Variants in LAMB3 observed in about 807,000 individuals in gnomAD.
The protein encoded by LAMB3 is laminin subunit beta 3, also known as laminin subunit beta-3.
Under a neutral mutation model 140.3 loss-of-function variants are expected in LAMB3, and 104 were observed. That is an observed-to-expected ratio of 0.74 (90% CI 0.63 to 0.87). The LOEUF (loss-of-function observed/expected upper bound fraction) is 0.87, where lower values mean the gene tolerates loss of function less well. Ranked by LOEUF, LAMB3 falls within the 40% of genes least tolerant of loss-of-function variation. The pLI is 0.00. For missense variants in LAMB3, 1,531 were observed against 1,575.2 expected (o/e 0.97, Z 0.47); for synonymous variants, 592 against 602.9 (o/e 0.98, Z 0.26).
At chr1:209,640,094 C>T (rs923750237) in intron 3 of LAMB3, among the ~76,000 whole-genome samples, 1 of 152,194 alleles carries the variant, frequency 6.6e-6, no homozygotes, top group Admixed American at 6.5e-5. Flanking sequence ...CCTCTGCTTC[C>T]CACTCCACTT....
chr1:209,623,810 C>A lies in LAMB3; in HGVS notation c.2137+30G>T, dbSNP rs367687683. On this transcript the variant is annotated intron_variant, in intron 15 of 22. Coordinates refer to ENST00000356082, the MANE Select transcript of LAMB3 (RefSeq NM_000228.3). The surrounding 1 kb of genome is among the most constrained non-coding windows in gnomAD (Gnocchi z 4.2). ...ATGCCCACCACGGCAGTGCCCATGC[C>A]CGGGGTTATCCGGGTGCCCCTCTCC... is the stretch of plus-strand genomic sequence containing the variant. 2.7e-5 allele frequency: 44 copies of A among 1,614,016 alleles called. No homozygotes were observed. The highest frequency in any genetic ancestry group is 3.4e-5 in the Non-Finnish European group (40 of 1,180,016).
chr1:209,622,130 C>G (rs1179618676), intron 18 of LAMB3, among the ~76,000 whole-genome samples: 2 of 152,170 alleles, frequency 1.3e-5, no homozygotes, highest in African/African-American at 4.8e-5. Context: ...CTGACATGTT[C>G]AAGGACAGCC....
At position 209,633,089 on chromosome 1, in the gene LAMB3, A is replaced by T. The variant is rs1322037366; in HGVS notation, c.609T>A (p.Thr203=). ...LMDLVSGIPA[T]QSQKIQEVGE... is the part of the protein sequence containing the mutation. ...ACTGACCTTGAATTTTTTGACTTTG[A>T]GTTGCTGGAATCCCAGACACTAAAT... The change falls in exon 7 of 23, where the codon ACT becomes ACA. Residue 203 remains threonine (T), a synonymous_variant. Transcript: ENST00000356082. The T allele has an allele frequency of 3.7e-6, 6 of 1,612,230 alleles. No homozygotes were observed. Among genetic ancestry groups the T allele is most frequent in the Non-Finnish European group, 5.1e-6 (6 of 1,178,266 alleles).
chr1:209,621,542 C>T (rs534541690), intron 18 of LAMB3, among the ~76,000 whole-genome samples: 7 of 152,354 alleles, frequency 4.6e-5, no homozygotes, highest in Non-Finnish European at 8.8e-5. Flanking sequence ...AGCAAATAAC[C>T]TGGCAGGAAC....
intron 2 of LAMB3, 48 bp from the exon 3 acceptor site, chr1:209,650,166 C>T (rs1262839815): frequency 4.5e-6 from 7 of 1,566,592 alleles, no homozygotes; most frequent in Non-Finnish European, 5.2e-6. Flanking sequence ...AAAAAGGGAC[C>T]TCACTGGCCA....
Position 209,623,336 on chromosome 1 carries a change from TCCTTGGCAAC to T in LAMB3, c.2358+159_2359-158del, listed in dbSNP as rs1374561563. The T allele has an allele frequency of 9.7e-7, 1 of 1,027,818 alleles. No individual in the cohort carries two copies. The highest frequency in any genetic ancestry group is 1.5e-6 in the Non-Finnish European group (1 of 667,536). 63.7% of individuals were successfully genotyped at this position (1,027,818 alleles called of 1,614,324 possible). A position where few individuals can be genotyped will look rare whatever the true frequency, so the allele number is the denominator to read the frequency against. On this transcript the variant is annotated intron_variant, in intron 16 of 22. Transcript: ENST00000356082. This position sits in a 1 kb window ranked among gnomAD's most constrained non-coding sequence, Gnocchi z 4.2. Reference sequence around the variant, plus strand: ...GAGAGCTAAGGACCAGAAACTGGTTTCCTTGGCAACCACTGAGCTCACAGTGAGCAGTACA... The same window carrying T: ...GAGAGCTAAGGACCAGAAACTGGTTTCACTGAGCTCACAGTGAGCAGTACA...
Position 209,623,603 on chromosome 1 carries a change from G to A in LAMB3, c.2260C>T (p.Arg754Trp), listed in dbSNP as rs62637710. The A allele has an allele frequency of 1.7e-3, 2,765 of 1,612,374 alleles. 31 individuals carry two copies. The African/African-American group carries it at 0.03, about 17-fold the overall frequency. ...DSRREAERLV[R>W]QAGGGGGTGS... ...GTGCCTCCTCCTCCTCCCGCCTGCC[G>A]CACCAGCCTCTCTGCCTCTCTCCGG... Residue 754 changes from arginine (R) to tryptophan (W), a missense_variant, in exon 16 of 23, where the codon CGG becomes TGG. Coordinates refer to ENST00000356082, the MANE Select transcript of LAMB3 (RefSeq NM_000228.3). The surrounding 1 kb of genome is among the most constrained non-coding windows in gnomAD (Gnocchi z 4.2).
chr1:209,618,426 G>A (rs746024912), intron 19 of LAMB3, 26 bp downstream of exon 19: 1 of 1,609,508 alleles, frequency 6.2e-7, no homozygotes, highest in South Asian at 1.1e-5. Flanking sequence ...CCTGGGCAGA[G>A]AGAAGTTCAG....
chr1:209,625,400 T>A (rs1666398643), intron 14 of LAMB3, among the ~76,000 whole-genome samples: 1 of 152,178 alleles, frequency 6.6e-6, no homozygotes, highest in Non-Finnish European at 1.5e-5. Context: ...TCCTGGACTG[T>A]GTTCTGAGGC....
intron 6 of LAMB3, among the ~76,000 whole-genome samples, chr1:209,634,193 T>C (rs1012363298): frequency 1.3e-5 from 2 of 152,050 alleles, no homozygotes; most frequent in South Asian, 2.1e-4. Context: ...GGGAGGGGGC[T>C]GTGGAAGACG....
intron 19 of LAMB3, 142 bp downstream of exon 19, chr1:209,618,310 G>A: frequency 5.3e-6 from 5 of 937,380 alleles, no homozygotes; most frequent in Non-Finnish European, 8.3e-6. Flanking sequence ...CCTGCACTCT[G>A]GACTCTGTGT....
chr1:209,638,333 T>G (rs1666958798), intron 4 of LAMB3, among the ~76,000 whole-genome samples: 1 of 152,114 alleles, frequency 6.6e-6, no homozygotes, highest in Non-Finnish European at 1.5e-5. Context: ...CTCACACCCT[T>G]TCTTTCACCT....
chr1:209,645,722 G>GAGGAAA (rs1553280566), intron 3 of LAMB3, among the ~76,000 whole-genome samples: 1 of 137,408 alleles, frequency 7.3e-6, no homozygotes, highest in Non-Finnish European at 1.6e-5. Flanking sequence ...TGTCCCAGGG[G>GAGGAAA]AAAAAAAAAA....
chr1:209,623,217 G>GC lies in LAMB3; in HGVS notation c.2359-39dup. The GC allele has an allele frequency of 6.2e-7, 1 of 1,605,796 alleles. No individual in the cohort carries two copies. Among genetic ancestry groups the GC allele is most frequent in the Non-Finnish European group, 8.5e-7 (1 of 1,173,272 alleles). ...GGCGGTGTTAAAGAGGCTACCCAAA[G>GC]CCCCTCAATAACCAATCCCACCCCA... On this transcript the variant is annotated intron_variant, in intron 16 of 22. Coordinates refer to ENST00000356082, the MANE Select transcript of LAMB3 (RefSeq NM_000228.3). This position sits in a 1 kb window ranked among gnomAD's most constrained non-coding sequence, Gnocchi z 4.2.
chr1:209,630,577 C>T, intron 9 of LAMB3, 38 bp downstream of exon 9: 9 of 1,613,666 alleles, frequency 5.6e-6, no homozygotes, highest in Non-Finnish European at 7.6e-6. Flanking sequence ...AGCACTCGAC[C>T]CAGACCCTAC....
intron 3 of LAMB3, among the ~76,000 whole-genome samples, chr1:209,641,742 C>T (rs1048326695): frequency 6.6e-6 from 1 of 152,240 alleles, no homozygotes; most frequent in African/African-American, 2.4e-5. Context: ...CTGTCGCTGG[C>T]TGAAATACCT....
chr1:209,616,545 G>A lies in LAMB3; in HGVS notation c.3308C>T (p.Ala1103Val). The A allele has an allele frequency of 6.2e-7, 1 of 1,614,006 alleles. No homozygotes were observed. The change falls in exon 22 of 23, where the codon GCC becomes GTC. Residue 1103 changes from alanine (A) to valine (V), a missense_variant. By Grantham distance (64) the Ala-to-Val change is moderately conservative (BLOSUM62 0). Transcript: ENST00000356082. ...CTCTGTCTTCACACTCTGGATCCGGGCACCCTGCTCACCCAGCATGGAACT... is the reference window on the plus strand; with the variant it reads ...CTCTGTCTTCACACTCTGGATCCGGACACCCTGCTCACCCAGCATGGAACT... ...GQSSMLGEQG[A>V]RIQSVKTEAE...
In LAMB3 at chr1:209,616,451, C is replaced by A. The variant is rs367703401; in HGVS notation, c.3382+20G>T. The A allele has an allele frequency of 6.2e-7, 1 of 1,613,812 alleles. No individual in the cohort carries two copies. The highest frequency in any genetic ancestry group is 8.5e-7 in the Non-Finnish European group (1 of 1,179,786). On this transcript the variant is annotated intron_variant, in intron 22 of 22. Coordinates refer to ENST00000356082, the MANE Select transcript of LAMB3 (RefSeq NM_000228.3). Reference sequence around the variant, plus strand: ...CTTCATGAATGCCCAATAGTCCATGCCCCTAAACCATTCCCTCACCTTTCA... The same window carrying A: ...CTTCATGAATGCCCAATAGTCCATGACCCTAAACCATTCCCTCACCTTTCA...
At chr1:209,619,560 A>G (rs1332206256) in intron 18 of LAMB3, among the ~76,000 whole-genome samples, 3 of 152,240 alleles carry the variant, frequency 2.0e-5, no homozygotes, top group Non-Finnish European at 4.4e-5. Flanking sequence ...TGAAGGTACA[A>G]CATGAAACAA....
Sources: allele counts gnomAD v4.1 joint callset (sites outside exome capture counted in the v4.1 genomes callset), GRCh38; gene constraint gnomAD v4.1.1; non-coding constraint Gnocchi (gnomAD v3.1); transcripts MANE v1.5; gene names NCBI Gene and HGNC (gene_info 2026-07-23, HGNC 2026-07-21).